NCAM2: variants seen among roughly 807,000 people sequenced by gnomAD.
The protein encoded by NCAM2 is neural cell adhesion molecule 2.
In NCAM2, 30 loss-of-function variants were observed where a neutral mutation model predicts 98.1. The ratio of observed to expected loss-of-function variants is 0.31; its 90% CI spans 0.23 to 0.41. NCAM2 has a LOEUF of 0.41. NCAM2 is among the 10% of genes least tolerant of loss of function. The pLI is 1.00. For missense variants in NCAM2, 867 were observed against 1,005.8 expected (o/e 0.86, Z 1.87); for synonymous variants, 368 against 342.4 (o/e 1.07, Z -0.83).
At chr21:21,210,894 A>G in intron 1 of NCAM2, among the ~76,000 whole-genome samples, 1 of 151,032 alleles carries the variant, frequency 6.6e-6, no homozygotes, top group East Asian at 2.0e-4. Flanking sequence ...GGGAAATGGG[A>G]GAAGCCACTA....
chr21:21,356,687 G>A (rs2075488846), intron 8 of NCAM2, among the ~76,000 whole-genome samples: 2 of 152,156 alleles, frequency 1.3e-5, no homozygotes, highest in South Asian at 4.1e-4. Flanking sequence ...CACAAGGAGT[G>A]TAGCGCTAAA....
chr21:21,159,117 A>G (rs565866223), intron 1 of NCAM2, among the ~76,000 whole-genome samples: 7 of 152,296 alleles, frequency 4.6e-5, no homozygotes, highest in African/African-American at 1.7e-4. Flanking sequence ...AAAAATCTTA[A>G]GTATAAAAGG....
chr21:21,381,269 C>T lies in NCAM2; in HGVS notation c.1195+7256C>T, dbSNP rs1337718932. On this transcript the variant is annotated intron_variant, in intron 9 of 17. Coordinates refer to ENST00000400546, the MANE Select transcript of NCAM2 (RefSeq NM_004540.5). ...ATCTCTGAGTCACATATAAAAGAAG[C>T]CCTTGGGCAAGACTTTGCCCATGGG... Among the ~76,000 whole-genome samples, 3 of 152,108 alleles carry T rather than the reference C, an allele frequency of 2.0e-5. No individual in the cohort carries two copies. The South Asian group carries it at 6.2e-4, about 32-fold the overall frequency.
chr21:21,209,289 C>T (rs995492495), intron 1 of NCAM2, among the ~76,000 whole-genome samples: 2 of 152,150 alleles, frequency 1.3e-5, no homozygotes, highest in Non-Finnish European at 2.9e-5. Context: ...GATCACAGCT[C>T]ACCACAGCCT....
chr21:21,535,351 T>C (rs916570063), intron 17 of NCAM2, among the ~76,000 whole-genome samples: 9 of 152,128 alleles, frequency 5.9e-5, no homozygotes, highest in African/African-American at 2.2e-4. Context: ...AACAAAACCA[T>C]GGTGGTCACA....
At chr21:21,205,526 G>C (rs1237448057) in intron 1 of NCAM2, among the ~76,000 whole-genome samples, 1 of 152,124 alleles carries the variant, frequency 6.6e-6, no homozygotes, top group Non-Finnish European at 1.5e-5. Flanking sequence ...ACATTATAAA[G>C]CCTACACTTT....
chr21:21,079,578 C>G (rs2065750005), intron 1 of NCAM2, among the ~76,000 whole-genome samples: 3 of 150,758 alleles, frequency 2.0e-5, no homozygotes, highest in Admixed American at 1.3e-4. Flanking sequence ...CTCTTGCCCC[C>G]TTTTTTTTTA....
chr21:21,159,317 T>G (rs2146766672), intron 1 of NCAM2, among the ~76,000 whole-genome samples: 1 of 152,250 alleles, frequency 6.6e-6, no homozygotes, highest in African/African-American at 2.4e-5. Context: ...TAAATAAATT[T>G]AGTGTAGTAT....
intron 1 of NCAM2, among the ~76,000 whole-genome samples, chr21:21,185,631 C>G (rs2068615770): frequency 6.6e-6 from 1 of 152,062 alleles, no homozygotes; most frequent in Non-Finnish European, 1.5e-5. Flanking sequence ...GTAGTATCAC[C>G]CAGCTGTTCT....
intron 8 of NCAM2, among the ~76,000 whole-genome samples, chr21:21,350,811 G>A (rs982827132): frequency 6.6e-6 from 1 of 151,946 alleles, no homozygotes; most frequent in African/African-American, 2.4e-5. Flanking sequence ...ATCTAGGTCG[G>A]GTGCGGTGGC....
intron 1 of NCAM2, among the ~76,000 whole-genome samples, chr21:21,224,701 G>T (rs2070312077): frequency 6.6e-6 from 1 of 152,028 alleles, no homozygotes. Flanking sequence ...GACAAAGACT[G>T]AACCTGAACA....
In NCAM2 at chr21:21,326,695, A is replaced by G. The variant is rs116429921; in HGVS notation, c.737+2195A>G. Among the ~76,000 whole-genome samples the G allele has an allele frequency of 8.4e-3, 1,281 of 152,264 alleles. 18 individuals are homozygous for G. The highest frequency in any genetic ancestry group is 0.029 in the African/African-American group (1,224 of 41,570). ...TTTAAATTTATATTTTTTCTTCTCC[A>G]TATCTTCATATGGTATTAGTTTCAT... is the stretch of plus-strand genomic sequence containing the variant. On this transcript the variant is annotated intron_variant, in intron 6 of 17. Coordinates refer to ENST00000400546, the MANE Select transcript of NCAM2 (RefSeq NM_004540.5).
intron 1 of NCAM2, among the ~76,000 whole-genome samples, chr21:21,064,518 C>T (rs969800045): frequency 2.0e-5 from 3 of 152,174 alleles, no homozygotes; most frequent in South Asian, 4.1e-4. Flanking sequence ...CCACTGAAAG[C>T]ATTGTCTTCC....
chr21:21,381,375 A>C (rs1206291824), intron 9 of NCAM2, among the ~76,000 whole-genome samples: 1 of 142,466 alleles, frequency 7.0e-6, no homozygotes, highest in Non-Finnish European at 1.5e-5. Flanking sequence ...TACAATTTTT[A>C]TTTATATTCT....
chr21:21,338,680 A>G (rs2074945402), intron 8 of NCAM2, 146 bp downstream of exon 8: 1 of 827,816 alleles, frequency 1.2e-6, no homozygotes, highest in Non-Finnish European at 1.8e-6. Flanking sequence ...TAACTAACAC[A>G]ATGTCGGCTT....
chr21:21,447,930 T>C (rs752307304), intron 12 of NCAM2, among the ~76,000 whole-genome samples: 2 of 152,120 alleles, frequency 1.3e-5, no homozygotes, highest in Non-Finnish European at 2.9e-5. Flanking sequence ...ATAGGAATGC[T>C]TTTACACTGT....
At chr21:21,025,633 TA>T (rs58958219) in intron 1 of NCAM2, among the ~76,000 whole-genome samples, 152,289 of 152,290 alleles carry the variant, frequency 1, 76,144 homozygotes, top group Middle Eastern at 1. Flanking sequence ...TTCTCCTATG[TA>T]CCCAGGAATT....
chr21:21,424,359 G>A (rs929130514), intron 11 of NCAM2, among the ~76,000 whole-genome samples: 1 of 152,096 alleles, frequency 6.6e-6, no homozygotes, highest in Non-Finnish European at 1.5e-5. Flanking sequence ...GAATCTGAAG[G>A]TAAATAATAC....
intron 1 of NCAM2, among the ~76,000 whole-genome samples, chr21:21,010,395 G>A (rs769609933): frequency 2.0e-5 from 3 of 151,880 alleles, no homozygotes; most frequent in African/African-American, 7.3e-5. Context: ...TACTGTGCTC[G>A]TGTTATTAAA....
Sources: gnomAD v4.1 joint callset for allele counts (sites outside exome capture counted in the v4.1 genomes callset) on GRCh38, gnomAD v4.1.1 for gene constraint, MANE v1.5 for transcripts, NCBI Gene and HGNC (gene_info 2026-07-23, HGNC 2026-07-21) for gene names.